The following KRABD3 variants were observed in gnomAD, a reference collection of about 807,000 sequenced individuals.
KRABD3 encodes the protein KRAB domain containing 3.
the KRABD3 span, among the ~76,000 whole-genome samples, chr7:149,727,843 T>A: frequency 1.3e-5 from 2 of 152,274 alleles, no homozygotes; most frequent in South Asian, 4.2e-4. Context: ...CAGCCCTTCC[T>A]GGTCTGGAAG....
the KRABD3 span, chr7:149,729,385 G>C: frequency 6.9e-7 from 1 of 1,442,170 alleles, no homozygotes; most frequent in Non-Finnish European, 9.2e-7. Flanking sequence ...GCTGGCACCT[G>C]CCCTCGGTAC....
the KRABD3 span, chr7:149,730,451 A>G: frequency 6.2e-7 from 1 of 1,600,574 alleles, no homozygotes. Flanking sequence ...TCCCAGCTGT[A>G]AGCCTCCTGT....
At chr7:149,717,609 G>A in the KRABD3 span, among the ~76,000 whole-genome samples, 2 of 152,216 alleles carry the variant, frequency 1.3e-5, no homozygotes, top group Non-Finnish European at 2.9e-5. Context: ...AGGAGGCAAA[G>A]GCTGCAGCAT....
At chr7:149,732,567 T>A in the KRABD3 span, among the ~76,000 whole-genome samples, 2 of 152,020 alleles carry the variant, frequency 1.3e-5, no homozygotes, top group East Asian at 3.8e-4. The surrounding 1 kb of genome is among the most constrained non-coding windows in gnomAD (Gnocchi z 4.0). Context: ...TGCCCAGGGT[T>A]GGGACCAATT....
the KRABD3 span, among the ~76,000 whole-genome samples, chr7:149,728,966 G>A: frequency 1.3e-5 from 2 of 152,216 alleles, no homozygotes; most frequent in Non-Finnish European, 2.9e-5. Flanking sequence ...TGGTGTCTGG[G>A]CACCAGTCTC....
chr7:149,718,307 A>G, the KRABD3 span, among the ~76,000 whole-genome samples: 1 of 152,122 alleles, frequency 6.6e-6, no homozygotes, highest in African/African-American at 2.4e-5. Context: ...TCTTTGCTTT[A>G]TTAGGGGCGT....
the KRABD3 span, chr7:149,728,545 A>G: frequency 1.2e-6 from 2 of 1,613,504 alleles, no homozygotes; most frequent in African/African-American, 2.7e-5. Flanking sequence ...GAAGCTCCCC[A>G]CTGCAGGGTC....
chr7:149,719,908 T>C, the KRABD3 span: 3 of 1,373,876 alleles, frequency 2.2e-6, no homozygotes, highest in Non-Finnish European at 2.9e-6. This position sits in a 1 kb window ranked among gnomAD's most constrained non-coding sequence, Gnocchi z 5.6. Context: ...AGTGGTCACA[T>C]GAATGTGCAC....
At chr7:149,724,511 A>G in the KRABD3 span, 2 of 534,786 alleles carry the variant, frequency 3.7e-6, no homozygotes, top group African/African-American at 2.0e-5. Context: ...GGTGATTGAC[A>G]AGTGACAGCA....
the KRABD3 span, chr7:149,728,767 C>A: frequency 1.4e-6 from 2 of 1,383,434 alleles, no homozygotes; most frequent in Non-Finnish European, 2.0e-6. Flanking sequence ...TGCTCCTGAG[C>A]CAACATGGTG....
chr7:149,734,173 C>G, the KRABD3 span: 1 of 1,322,768 alleles, frequency 7.6e-7, no homozygotes, highest in Non-Finnish European at 1.0e-6. Context: ...TTGCTGGGAG[C>G]CTCGCCCTTT....
At chr7:149,720,128 G>A in the KRABD3 span, 83 of 1,551,538 alleles carry the variant, frequency 5.3e-5, no homozygotes, top group Non-Finnish European at 6.9e-5. Flanking sequence ...GATCCCCAGG[G>A]TAAGTTATCT....
At chr7:149,716,293 G>A in the KRABD3 span, among the ~76,000 whole-genome samples, 1 of 152,212 alleles carries the variant, frequency 6.6e-6, no homozygotes, top group Non-Finnish European at 1.5e-5. Context: ...ATGTTAGGAG[G>A]ACCAGTGTGC....
chr7:149,730,177 G>A, the KRABD3 span: 6 of 1,567,994 alleles, frequency 3.8e-6, no homozygotes, highest in Admixed American at 7.4e-5. Context: ...CCGCTGCACT[G>A]CCTGGAGAGC....
At chr7:149,724,893 T>C in the KRABD3 span, 1 of 1,465,764 alleles carries the variant, frequency 6.8e-7, no homozygotes, top group South Asian at 1.4e-5. Context: ...CCCCATGGGC[T>C]TGTCAGTCCC....
the KRABD3 span, chr7:149,719,370 G>A: frequency 6.7e-6 from 4 of 595,288 alleles, no homozygotes. The surrounding 1 kb of genome is among the most constrained non-coding windows in gnomAD (Gnocchi z 5.6). Flanking sequence ...GCGTGTCTCT[G>A]CAGAGACACA....
the KRABD3 span, chr7:149,722,132 G>A: frequency 2.1e-6 from 1 of 469,980 alleles, no homozygotes; most frequent in Admixed American, 3.4e-5. Flanking sequence ...GCCCTGGTTT[G>A]AGAAGCGTGA....
the KRABD3 span, chr7:149,722,843 T>C: frequency 4.2e-5 from 67 of 1,613,316 alleles, no homozygotes; most frequent in Admixed American, 8.4e-5. Flanking sequence ...GAAATCCTTG[T>C]GCCTGGGCCC....
At chr7:149,715,050 C>G in the KRABD3 span, 5 of 1,229,672 alleles carry the variant, frequency 4.1e-6, no homozygotes, top group African/African-American at 4.7e-5. Flanking sequence ...AGGCTGAGCC[C>G]GGGGATGGCG....
Sources: gnomAD v4.1 joint callset for allele counts (sites outside exome capture counted in the v4.1 genomes callset) on GRCh38, gnomAD v4.1.1 for gene constraint, Gnocchi (gnomAD v3.1) non-coding constraint, MANE v1.5 for transcripts, NCBI Gene and HGNC (gene_info 2026-07-23, HGNC 2026-07-21) for gene names.